The following FGF14 variants were observed in gnomAD, a reference collection of about 807,000 sequenced individuals.
The protein encoded by FGF14 is fibroblast growth factor homologous factor 4.
A neutral mutation model predicts 25.5 loss-of-function variants in FGF14; 5 were observed. The observed-to-expected ratio is 0.20, with a 90% CI of 0.10 to 0.41. The LOEUF (loss-of-function observed/expected upper bound fraction) is 0.41, where lower values mean the gene tolerates loss of function less well. Among genes scored for constraint, FGF14 ranks in the 10% least tolerant of loss-of-function variants. FGF14 has a pLI of 1.00. For synonymous variants in FGF14, 138 were observed against 118.3 expected, an observed-to-expected ratio of 1.17 and a Z score of -1.08; for missense variants, 222 against 320.1, an observed-to-expected ratio of 0.69 and a Z score of 2.34.
In FGF14 at chr13:101,743,706, G is replaced by A. The variant is rs189900288; in HGVS notation, c.409-16896C>T. On this transcript the variant is annotated intron_variant, in intron 3 of 4. Transcript: ENST00000376143. ...TGCTCTGTCTATATTTAAGTTTGAT[G>A]TTCTTTTGAAAGAGAAAATAAATAT... Among the ~76,000 whole-genome samples the A allele has an allele frequency of 3.9e-5, 6 of 152,138 alleles. No individual in the cohort carries two copies. The East Asian group carries it at 1.2e-3, about 29-fold the overall frequency.
At chr13:102,189,355 C>A (rs1200526433) in intron 1 of FGF14, among the ~76,000 whole-genome samples, 1 of 152,040 alleles carries the variant, frequency 6.6e-6, no homozygotes, top group Non-Finnish European at 1.5e-5. Context: ...AGGAAAATAA[C>A]TAAGGATGGC....
chr13:101,979,030 C>T (rs144024810), intron 1 of FGF14, among the ~76,000 whole-genome samples: 60 of 152,298 alleles, frequency 3.9e-4, no homozygotes, highest in African/African-American at 1.4e-3. Flanking sequence ...TCACCTTAAA[C>T]CCTTTCCCTA....
At chr13:102,135,712 G>A (rs2046383272) in intron 1 of FGF14, among the ~76,000 whole-genome samples, 1 of 152,180 alleles carries the variant, frequency 6.6e-6, no homozygotes. Flanking sequence ...CTGGAGTGCA[G>A]TGGCACCACC....
intron 3 of FGF14, among the ~76,000 whole-genome samples, chr13:101,760,582 C>T (rs1018660005): frequency 1.3e-5 from 2 of 152,184 alleles, no homozygotes; most frequent in African/African-American, 2.4e-5. Context: ...CTCCCCATCC[C>T]TTAAACTGCT....
At chr13:102,244,463 GA>G (rs57480296) in intron 1 of FGF14, among the ~76,000 whole-genome samples, 47,189 of 142,268 alleles carry the variant, frequency 0.33, 7,714 homozygotes, top group East Asian at 0.54. Context: ...CACTTTAAAT[GA>G]AAAAAAAAAA....
chr13:102,281,283 G>A (rs577504313), intron 1 of FGF14, among the ~76,000 whole-genome samples: 1 of 152,324 alleles, frequency 6.6e-6, no homozygotes, highest in South Asian at 2.1e-4. Context: ...CCCTGAGCCT[G>A]TGCTGCCATT....
At chr13:101,746,531 A>T (rs1240972481) in intron 3 of FGF14, among the ~76,000 whole-genome samples, 1 of 152,016 alleles carries the variant, frequency 6.6e-6, no homozygotes, top group African/African-American at 2.4e-5. Context: ...ATATACTCCT[A>T]GAGAGTGCAG....
intron 1 of FGF14, among the ~76,000 whole-genome samples, chr13:102,169,388 T>A (rs1033922834): frequency 3.5e-4 from 54 of 152,226 alleles, no homozygotes; most frequent in African/African-American, 1.3e-3. Context: ...ATTTCTTTCA[T>A]GCCCCTGAGG....
At chr13:101,831,279 TTTAC>T (rs2042658822) in intron 3 of FGF14, among the ~76,000 whole-genome samples, 1 of 138,710 alleles carries the variant, frequency 7.2e-6, no homozygotes, top group Non-Finnish European at 1.6e-5. Context: ...TATTTATTTA[TTTAC>T]GTTGGCCAGG....
At chr13:102,069,334 T>C (rs1440988584) in intron 1 of FGF14, among the ~76,000 whole-genome samples, 2 of 151,946 alleles carry the variant, frequency 1.3e-5, no homozygotes, top group Non-Finnish European at 2.9e-5. Context: ...CAGCGCCCTG[T>C]CAAAAAAGGC....
At chr13:101,985,306 G>A (rs2038510549) in intron 1 of FGF14, among the ~76,000 whole-genome samples, 1 of 152,012 alleles carries the variant, frequency 6.6e-6, no homozygotes, top group South Asian at 2.1e-4. Context: ...ATATGTGTAT[G>A]TGATTTCTAT....
chr13:102,336,364 A>G (rs1577694), intron 1 of FGF14, among the ~76,000 whole-genome samples: 11,659 of 152,224 alleles, frequency 0.077, 861 homozygotes, highest in African/African-American at 0.19. Flanking sequence ...CCGTAAGCCA[A>G]AGCCTAATCC....
chr13:102,319,868 CATGT>C (rs1318190010), intron 1 of FGF14, among the ~76,000 whole-genome samples: 8 of 152,196 alleles, frequency 5.3e-5, no homozygotes, highest in East Asian at 1.9e-4. Flanking sequence ...GCTATATATA[CATGT>C]ATGTATGTAT....
chr13:101,751,824 T>C (rs551804734), intron 3 of FGF14, among the ~76,000 whole-genome samples: 25 of 152,200 alleles, frequency 1.6e-4, no homozygotes, highest in Admixed American at 1.5e-3. Flanking sequence ...CTCTAGTTCC[T>C]ATTGGCTAAA....
chr13:102,135,342 T>C (rs2046368676), intron 1 of FGF14, among the ~76,000 whole-genome samples: 1 of 152,176 alleles, frequency 6.6e-6, no homozygotes, highest in South Asian at 2.1e-4. Context: ...AGCTAACATC[T>C]GGTATCAAGT....
At chr13:102,114,958 G>C (rs768406096) in intron 1 of FGF14, among the ~76,000 whole-genome samples, 4 of 152,092 alleles carry the variant, frequency 2.6e-5, no homozygotes, top group Non-Finnish European at 5.9e-5. Context: ...AATTAGTTAA[G>C]AGCATATTAC....
chr13:101,888,447 TG>T (rs1316512075), intron 1 of FGF14, among the ~76,000 whole-genome samples: 1 of 151,804 alleles, frequency 6.6e-6, no homozygotes, highest in Non-Finnish European at 1.5e-5. Context: ...TATACATGAA[TG>T]TGTGTGTGTG....
At chr13:101,878,047 C>T (rs2045495190) in intron 1 of FGF14, among the ~76,000 whole-genome samples, 1 of 152,246 alleles carries the variant, frequency 6.6e-6, no homozygotes, top group Non-Finnish European at 1.5e-5. Flanking sequence ...TGACTCTTCA[C>T]CATCCACTGA....
At chr13:102,091,108 C>T (rs2044144650) in intron 1 of FGF14, among the ~76,000 whole-genome samples, 1 of 152,086 alleles carries the variant, frequency 6.6e-6, no homozygotes, top group African/African-American at 2.4e-5. Context: ...AAATAGAGTA[C>T]TAATAGTATA....
Sources: gnomAD v4.1 joint callset for allele counts (sites outside exome capture counted in the v4.1 genomes callset) on GRCh38, gnomAD v4.1.1 for gene constraint, MANE v1.5 for transcripts, NCBI Gene and HGNC (gene_info 2026-07-23, HGNC 2026-07-21) for gene names.